NBEA: variants seen among roughly 807,000 people sequenced by gnomAD.
The protein encoded by NBEA is neurobeachin, also known as lysosomal-trafficking regulator 2.
Under a neutral mutation model 343.4 loss-of-function variants are expected in NBEA, and 44 were observed. The ratio of observed to expected loss-of-function variants is 0.13; its 90% CI spans 0.10 to 0.16. The LOEUF is 0.16. Among genes scored for constraint, NBEA ranks in the 10% least tolerant of loss-of-function variants. NBEA has a pLI of 1.00. For missense variants in NBEA, 2,555 were observed against 3,631.3 expected, an observed-to-expected ratio of 0.70 and a Z score of 7.62; for synonymous variants, 1,175 against 1,238.7, an observed-to-expected ratio of 0.95 and a Z score of 1.08.
At chr13:35,125,775 A>G (rs2067094411) in intron 17 of NBEA, among the ~76,000 whole-genome samples, 1 of 152,182 alleles carries the variant, frequency 6.6e-6, no homozygotes, top group Non-Finnish European at 1.5e-5. Context: ...TTGCTATGGA[A>G]TACATAGCAT....
chr13:35,293,806 T>C (rs955226273), intron 35 of NBEA, among the ~76,000 whole-genome samples: 2 of 152,058 alleles, frequency 1.3e-5, no homozygotes, highest in African/African-American at 4.8e-5. Context: ...AAAAGTGGAC[T>C]GATGTTATCC....
intron 41 of NBEA, among the ~76,000 whole-genome samples, chr13:35,508,254 C>G (rs368305965): frequency 6.6e-6 from 1 of 151,948 alleles, no homozygotes; most frequent in Non-Finnish European, 1.5e-5. Context: ...GAAAAACATG[C>G]AATATATTGG....
At chr13:35,310,338 A>G (rs1481210935) in intron 36 of NBEA, among the ~76,000 whole-genome samples, 2 of 152,194 alleles carry the variant, frequency 1.3e-5, no homozygotes, top group African/African-American at 4.8e-5. Context: ...GTTACAAACC[A>G]CAAACACATC....
chr13:35,505,179 A>G (rs1429822971), intron 41 of NBEA, among the ~76,000 whole-genome samples: 2 of 152,178 alleles, frequency 1.3e-5, no homozygotes, highest in Non-Finnish European at 2.9e-5. Flanking sequence ...GTTTGGAATC[A>G]TGCTTACTAT....
At chr13:35,105,801 T>C (rs969656163) in intron 11 of NBEA, among the ~76,000 whole-genome samples, 6 of 152,132 alleles carry the variant, frequency 3.9e-5, no homozygotes, top group South Asian at 2.1e-4. Flanking sequence ...TAATAGACTA[T>C]AAGGTACCTC....
intron 38 of NBEA, 28 bp downstream of exon 38, chr13:35,352,351 A>G (rs540635074): frequency 2.3e-6 from 3 of 1,307,226 alleles, no homozygotes; most frequent in East Asian, 2.7e-5. Context: ...CGAGTAAATA[A>G]TAATTCATAG....
chr13:35,371,298 TTATTA>T (rs1322751083), intron 38 of NBEA, among the ~76,000 whole-genome samples: 1 of 152,022 alleles, frequency 6.6e-6, no homozygotes, highest in African/African-American at 2.4e-5. Context: ...AGGACTTTGT[TTATTA>T]TATTCTTTTT....
intron 38 of NBEA, among the ~76,000 whole-genome samples, chr13:35,375,324 A>G (rs2041675685): frequency 6.6e-6 from 1 of 152,126 alleles, no homozygotes; most frequent in Admixed American, 6.6e-5. Context: ...ACGCCGTCTC[A>G]ACGTAAGGTC....
intron 1 of NBEA, among the ~76,000 whole-genome samples, chr13:34,986,261 C>T (rs915547908): frequency 6.6e-5 from 10 of 150,916 alleles, no homozygotes; most frequent in Admixed American, 2.0e-4. Context: ...TTTCAAAGAA[C>T]GTCTTTATTT....
chr13:35,449,541 T>C (rs1415941108), intron 39 of NBEA, among the ~76,000 whole-genome samples: 2 of 152,240 alleles, frequency 1.3e-5, no homozygotes, highest in East Asian at 3.9e-4. Flanking sequence ...GAGAGATTTC[T>C]GAATTATTAA....
intron 40 of NBEA, among the ~76,000 whole-genome samples, chr13:35,455,623 T>G (rs1403262996): frequency 6.6e-6 from 1 of 152,130 alleles, no homozygotes; most frequent in African/African-American, 2.4e-5. Context: ...TCCTTATAGC[T>G]GAAAATATTG....
chr13:35,431,854 G>A (rs1209051196), intron 38 of NBEA, among the ~76,000 whole-genome samples: 2 of 152,048 alleles, frequency 1.3e-5, no homozygotes, highest in Non-Finnish European at 2.9e-5. Context: ...TCATTAAATT[G>A]TAAACTATTT....
intron 35 of NBEA, among the ~76,000 whole-genome samples, chr13:35,302,889 A>G (rs933993033): frequency 6.6e-6 from 1 of 152,206 alleles, no homozygotes; most frequent in Non-Finnish European, 1.5e-5. Flanking sequence ...TAATGTGCAC[A>G]TAAAACACAT....
intron 10 of NBEA, among the ~76,000 whole-genome samples, chr13:35,085,228 T>C (rs1593292487): frequency 6.6e-6 from 1 of 152,144 alleles, no homozygotes; most frequent in Non-Finnish European, 1.5e-5. Flanking sequence ...CCCTAACTCA[T>C]TTTATGAGGC....
chr13:35,544,079 C>G (rs1379036787), intron 41 of NBEA, among the ~76,000 whole-genome samples: 8 of 152,120 alleles, frequency 5.3e-5, no homozygotes, highest in Non-Finnish European at 1.2e-4. Flanking sequence ...GCCACAAATT[C>G]CAAATTTATA....
chr13:35,401,363 A>G (rs954593511), intron 38 of NBEA, among the ~76,000 whole-genome samples: 4 of 152,062 alleles, frequency 2.6e-5, no homozygotes, highest in Admixed American at 2.6e-4. Flanking sequence ...AAGAATCACC[A>G]TCTCCCTGAC....
chr13:35,469,239 T>C (rs1194490225), intron 40 of NBEA, among the ~76,000 whole-genome samples: 1 of 152,112 alleles, frequency 6.6e-6, no homozygotes, highest in African/African-American at 2.4e-5. Flanking sequence ...TTTTAAAATA[T>C]ATTTGATAAA....
chr13:35,491,040 A>C (rs903263331), intron 41 of NBEA, among the ~76,000 whole-genome samples: 1 of 151,956 alleles, frequency 6.6e-6, no homozygotes, highest in African/African-American at 2.4e-5. Flanking sequence ...TATGTGTTTT[A>C]AAAAGAATAT....
chr13:35,489,244 C>T (rs944256194), intron 41 of NBEA, among the ~76,000 whole-genome samples: 5 of 151,774 alleles, frequency 3.3e-5, no homozygotes, highest in Admixed American at 6.6e-5. Flanking sequence ...GAAACATTCT[C>T]AAGTGAAGAG....
Sources: allele counts gnomAD v4.1 joint callset (sites outside exome capture counted in the v4.1 genomes callset), GRCh38; gene constraint gnomAD v4.1.1; transcripts MANE v1.5; gene names NCBI Gene and HGNC (gene_info 2026-07-23, HGNC 2026-07-21).